The following SGF29 variants were observed in gnomAD, a reference collection of about 807,000 sequenced individuals.
The protein encoded by SGF29 is SAGA-associated factor 29.
A neutral mutation model predicts 38.1 loss-of-function variants in SGF29; 15 were observed. The observed-to-expected ratio is 0.39, with a 90% CI of 0.26 to 0.61. SGF29 has a LOEUF of 0.61. Ranked by LOEUF, SGF29 falls within the 20% of genes least tolerant of loss-of-function variation. The pLI, the probability that SGF29 is intolerant of heterozygous loss-of-function variation, is 0.49. For synonymous variants in SGF29, 151 were observed against 160.8 expected (o/e 0.94, Z 0.46); for missense variants, 184 against 394.6 (o/e 0.47, Z 4.52).
At position 28,581,123 on chromosome 16, in the gene SGF29, T is replaced by G. The variant is rs1486792886; in HGVS notation, c.54T>G (p.His18Gln). Reference protein sequence around the residue: ...SRIAELLTELHQLIKQTQEER... With the variant: ...SRIAELLTELQQLIKQTQEER... ...TTGCAGAACTTCTCACAGAGCTCCA[T>G]CAGCTGATCAAACAAACCCAGGTAA... Residue 18 changes from histidine (H) to glutamine (Q), a missense_variant, in exon 2 of 10, where the codon CAT becomes CAG. This residue lies in a region of SGF29 where 77 missense variants were observed against 117.7 expected (regional missense o/e 0.65). Transcript: ENST00000317058. The G allele has an allele frequency of 6.2e-7, 1 of 1,614,038 alleles. No homozygotes were observed. Among genetic ancestry groups the G allele is most frequent in the Non-Finnish European group, 8.5e-7 (1 of 1,179,978 alleles).
At chr16:28,587,670 T>C (rs2046962774) in intron 4 of SGF29, among the ~76,000 whole-genome samples, 1 of 152,224 alleles carries the variant, frequency 6.6e-6, no homozygotes, top group Non-Finnish European at 1.5e-5. Context: ...ATCTCCTTCC[T>C]GCCGCACAAA....
chr16:28,582,715 G>A (rs779452080), intron 2 of SGF29, among the ~76,000 whole-genome samples: 4 of 152,036 alleles, frequency 2.6e-5, no homozygotes, highest in Non-Finnish European at 5.9e-5. Flanking sequence ...AGGCTGAGGC[G>A]GGTGGATCAC....
At position 28,589,172 on chromosome 16, in the gene SGF29, G is replaced by C. The variant is rs763312729; in HGVS notation, c.289+8G>C. 1.2e-5 allele frequency: 19 copies of C among 1,614,048 alleles called. No individual in the cohort carries two copies. In the East Asian group the frequency reaches 4.0e-4, roughly 34 times the overall value. ...TGGAAGAGAGGCGGATTGGTGAGTGGGAGAGAACATGCTGGGAGGTCCTTT... is the reference window on the plus strand; with the variant it reads ...TGGAAGAGAGGCGGATTGGTGAGTGCGAGAGAACATGCTGGGAGGTCCTTT... On this transcript the variant is annotated splice_region_variant and intron_variant, in intron 5 of 9. Transcript: ENST00000317058.
intron 9 of SGF29, 103 bp from the exon 10 acceptor site, chr16:28,591,487 G>A (rs1402269597): frequency 1.6e-5 from 13 of 795,080 alleles, no homozygotes; most frequent in South Asian, 6.9e-5. Context: ...GAGTGGCTGA[G>A]AGTCCACGGC....
intron 1 of SGF29, among the ~76,000 whole-genome samples, chr16:28,577,931 A>C (rs2046904414): frequency 6.6e-6 from 1 of 151,994 alleles, no homozygotes; most frequent in Non-Finnish European, 1.5e-5. Flanking sequence ...TTAGTCGACC[A>C]TTTCTGGTTT....
At chr16:28,558,785 A>G (rs1055966331) in intron 1 of SGF29, among the ~76,000 whole-genome samples, 8 of 152,208 alleles carry the variant, frequency 5.3e-5, no homozygotes, top group African/African-American at 1.9e-4. Flanking sequence ...TGCTAAGTGA[A>G]AGAAGCAAGT....
At chr16:28,589,552 A>G (rs1232886623) in intron 5 of SGF29, 1 of 221,620 alleles carries the variant, frequency 4.5e-6, no homozygotes, top group African/African-American at 2.3e-5. Flanking sequence ...AGGCTCTCCT[A>G]CCTGTCTGCC....
chr16:28,581,175 G>A, intron 2 of SGF29, 31 bp downstream of exon 2: 1 of 1,599,086 alleles, frequency 6.3e-7, no homozygotes, highest in African/African-American at 1.3e-5. Context: ...ATTCCCAGAT[G>A]GGAACATGGG....
In SGF29 at chr16:28,590,739, G is replaced by T. The variant is rs552380188; in HGVS notation, c.603-34G>T. 6.2e-7 allele frequency: 1 copy of T among 1,614,000 alleles called. No individual in the cohort carries two copies. The highest frequency in any genetic ancestry group is 2.2e-5 in the East Asian group (1 of 44,874). On this transcript the variant is annotated intron_variant, in intron 8 of 9. Coordinates refer to ENST00000317058, the MANE Select transcript of SGF29 (RefSeq NM_138414.3). The surrounding 1 kb of genome is among the most constrained non-coding windows in gnomAD (Gnocchi z 8.2). Reference sequence around the variant, plus strand: ...CAGCTGAGAAGGAGCATCCCCACCCGGCCACAGGTTGATATAAGCCCCTCT... The same window carrying T: ...CAGCTGAGAAGGAGCATCCCCACCCTGCCACAGGTTGATATAAGCCCCTCT...
chr16:28,591,770 A>G lies in SGF29; in HGVS notation c.*64A>G. On this transcript the variant is annotated 3_prime_UTR_variant, in exon 10 of 10. Coordinates refer to ENST00000317058, the MANE Select transcript of SGF29 (RefSeq NM_138414.3). ...GCAGGACAGCAGAGGACGTGCTGGG[A>G]TTAAACACATTCCCCCTCTACTCGT... 7.4e-7 allele frequency: 1 copy of G among 1,356,186 alleles called. No individual in the cohort carries two copies. Among genetic ancestry groups the G allele is most frequent in the Non-Finnish European group, 1.0e-6 (1 of 955,298 alleles). 84.0% of individuals were successfully genotyped at this position (1,356,186 alleles called of 1,614,324 possible). A position where few individuals can be genotyped will look rare whatever the true frequency, so the allele number is the denominator to read the frequency against.
At chr16:28,587,421 C>T (rs1016194836) in intron 4 of SGF29, among the ~76,000 whole-genome samples, 1 of 152,240 alleles carries the variant, frequency 6.6e-6, no homozygotes, top group Non-Finnish European at 1.5e-5. Context: ...CCTTTGGCCC[C>T]GTGGCTCTTT....
At chr16:28,569,973 C>A (rs1175355782) in intron 1 of SGF29, among the ~76,000 whole-genome samples, 2 of 152,228 alleles carry the variant, frequency 1.3e-5, no homozygotes, top group African/African-American at 4.8e-5. Flanking sequence ...CATGGCTACC[C>A]CCACCTAGAT....
chr16:28,576,633 G>A (rs550754199), intron 1 of SGF29, among the ~76,000 whole-genome samples: 1 of 151,762 alleles, frequency 6.6e-6, no homozygotes, highest in East Asian at 1.9e-4. Context: ...GAGAGAGGCA[G>A]AGATTGCAGT....
intron 1 of SGF29, among the ~76,000 whole-genome samples, chr16:28,555,190 G>T (rs180941629): frequency 3.8e-4 from 58 of 152,256 alleles, no homozygotes; most frequent in Non-Finnish European, 6.9e-4. Context: ...CTGGCCAGGC[G>T]CGGTGGCTCA....
chr16:28,578,901 C>T (rs762124097), intron 1 of SGF29, among the ~76,000 whole-genome samples: 23 of 151,910 alleles, frequency 1.5e-4, no homozygotes, highest in Non-Finnish European at 2.5e-4. Context: ...GAGATCGCAC[C>T]GCTGCACTCT....
intron 1 of SGF29, among the ~76,000 whole-genome samples, chr16:28,578,990 T>C (rs988478000): frequency 6.6e-6 from 1 of 152,060 alleles, no homozygotes; most frequent in Non-Finnish European, 1.5e-5. Context: ...TCTTGCTGTA[T>C]TGTCCAGGCT....
intron 1 of SGF29, among the ~76,000 whole-genome samples, chr16:28,577,798 TA>T (rs1403128138): frequency 6.6e-6 from 1 of 152,214 alleles, no homozygotes; most frequent in Non-Finnish European, 1.5e-5. Flanking sequence ...ATCATTTTTG[TA>T]TATGGGCTGA....
intron 4 of SGF29, among the ~76,000 whole-genome samples, chr16:28,588,385 G>C (rs992992371): frequency 4.6e-5 from 7 of 152,170 alleles, no homozygotes; most frequent in African/African-American, 1.7e-4. Flanking sequence ...GGGCAGACCT[G>C]AGGCCCCCTC....
chr16:28,563,446 C>T (rs927201960), intron 1 of SGF29, among the ~76,000 whole-genome samples: 12 of 152,242 alleles, frequency 7.9e-5, no homozygotes, highest in African/African-American at 2.4e-4. Flanking sequence ...TTCCAGACCA[C>T]GTGGTCAGCT....
Sources: gnomAD v4.1 joint callset for allele counts (sites outside exome capture counted in the v4.1 genomes callset) on GRCh38, gnomAD v4.1.1 for gene constraint, gnomAD v4.1.1 regional missense constraint, Gnocchi (gnomAD v3.1) non-coding constraint, MANE v1.5 for transcripts, NCBI Gene and HGNC (gene_info 2026-07-23, HGNC 2026-07-21) for gene names.